The following ABCB11 variants were observed in gnomAD, a reference collection of about 807,000 sequenced individuals.
ABCB11 encodes bile salt export pump.
Under a neutral mutation model 148.0 loss-of-function variants are expected in ABCB11, and 95 were observed. The ratio of observed to expected loss-of-function variants is 0.64; its 90% CI spans 0.54 to 0.76. The LOEUF (loss-of-function observed/expected upper bound fraction) is 0.76. Ranked by LOEUF, ABCB11 falls within the 30% of genes least tolerant of loss-of-function variation. The pLI is 0.00. For missense variants in ABCB11, 1,523 were observed against 1,617.8 expected (o/e 0.94, Z 1.01); for synonymous variants, 591 against 555.4 (o/e 1.06, Z -0.90).
At chr2:168,952,721 G>T in intron 19 of ABCB11, among the ~76,000 whole-genome samples, 1 of 137,388 alleles carries the variant, frequency 7.3e-6, no homozygotes, top group African/African-American at 2.7e-5. Flanking sequence ...GTTCTGCTCT[G>T]GTCTTTGTTA....
chr2:168,976,429 C>A, intron 12 of ABCB11, 148 bp downstream of exon 12: 1 of 501,468 alleles, frequency 2.0e-6, no homozygotes, highest in Non-Finnish European at 3.6e-6. Context: ...GATAAGCCAA[C>A]ACCCGAGGAT....
In ABCB11 at chr2:168,936,321, A is replaced by G. The variant is rs1218245894; in HGVS notation, c.2723T>C (p.Phe908Ser). ...WKLSLVILCF[F>S]PFLALSGATQ... is the part of the protein sequence containing the mutation. ...GGCTCCTGATAAAGCCAAGAAGGGG[A>G]AGAAGCACAAGATGACCAGGCTCAG... The change falls in exon 22 of 28, where the codon TTC (phenylalanine) becomes TCC (serine). Residue 908 changes from phenylalanine (F) to serine (S), a missense_variant. Phe to Ser is a radical substitution (Grantham distance 155, BLOSUM62 -2). Coordinates refer to ENST00000650372, the MANE Select transcript of ABCB11 (RefSeq NM_003742.4). 3 of 1,613,946 alleles carry G rather than the reference A, an allele frequency of 1.9e-6. No homozygotes were observed. In the South Asian group the frequency reaches 3.3e-5, roughly 18 times the overall value.
chr2:168,923,537 A>AGG lies in ABCB11; in HGVS notation c.*84_*85insCC. ...TCTTTAAAGAAAAAACAATCCCAGC[A>AGG]ATCCCTCCTGCTGGGATTGTTTTTT... On this transcript the variant is annotated 3_prime_UTR_variant, in exon 28 of 28. Transcript: ENST00000650372. 1.6e-6 allele frequency: 2 copies of AGG among 1,233,580 alleles called. No homozygotes were observed. Among genetic ancestry groups the AGG allele is most frequent in the Non-Finnish European group, 2.3e-6 (2 of 859,810 alleles). 76.4% of individuals were successfully genotyped at this position (1,233,580 alleles called of 1,614,324 possible).
rs372563917 is a variant in ABCB11 at position 168,936,457 on chromosome 2, C to T, written c.2611-24G>A. 14 of 1,610,870 alleles carry T rather than the reference C, an allele frequency of 8.7e-6. No individual in the cohort carries two copies. The African/African-American group carries it at 1.1e-4, about 12-fold the overall frequency. On this transcript the variant is annotated intron_variant, in intron 21 of 27. Coordinates refer to ENST00000650372, the MANE Select transcript of ABCB11 (RefSeq NM_003742.4). ...GCCTGCAAACCAAAAAGCAATCAAC[C>T]CGTCTCAGACACACAGTCGCTTTTA...
At chr2:168,972,178 T>C (rs1693612960) in intron 13 of ABCB11, 128 bp from the exon 14 acceptor site, 2 of 771,930 alleles carry the variant, frequency 2.6e-6, no homozygotes, top group African/African-American at 1.8e-5. Context: ...AAACAATTCC[T>C]CTTGAAATGT....
chr2:168,932,635 G>A, intron 23 of ABCB11, 102 bp from the exon 24 acceptor site: 2 of 1,386,738 alleles, frequency 1.4e-6, no homozygotes, highest in East Asian at 4.9e-5. Flanking sequence ...TGCCAGGAAA[G>A]GACCAAATAT....
intron 9 of ABCB11, 134 bp downstream of exon 9, chr2:168,990,667 G>T: frequency 9.2e-7 from 1 of 1,083,996 alleles, no homozygotes; most frequent in East Asian, 2.4e-5. Flanking sequence ...ACTCTGCTTA[G>T]CTCCCTCTTG....
chr2:169,025,663 C>T (rs1467888540), intron 1 of ABCB11, among the ~76,000 whole-genome samples: 3 of 152,142 alleles, frequency 2.0e-5, no homozygotes, highest in Non-Finnish European at 2.9e-5. Context: ...TGCTTCTTTC[C>T]GAATACCCCT....
chr2:168,923,707 AC>A lies in ABCB11; in HGVS notation c.3880del (p.Val1294Ter). On this transcript the variant is annotated frameshift_variant, in exon 28 of 28. Coordinates refer to ENST00000650372, the MANE Select transcript of ABCB11 (RefSeq NM_003742.4). LOFTEE classifies it high-confidence loss of function. ...DIIAVMAQGV[V>X]IEKGTHEELM... ...TTCTTCATGGGTCCCCTTTTCAATC[AC>A]CACCCCCTGTGCCATGACAGCAATG... The A allele has an allele frequency of 6.2e-7, 1 of 1,613,554 alleles. No individual in the cohort carries two copies. Among genetic ancestry groups the A allele is most frequent in the South Asian group, 1.1e-5 (1 of 91,040 alleles).
At chr2:168,916,949 C>T (rs550845448), downstream of ABCB11, among the ~76,000 whole-genome samples, 28 of 152,086 alleles carry the variant, frequency 1.8e-4, no homozygotes, top group Non-Finnish European at 2.9e-4. Context: ...TATTTTCTTA[C>T]GATAAGAAAC....
At chr2:168,935,898 G>C (rs575155165) in intron 22 of ABCB11, among the ~76,000 whole-genome samples, 1 of 152,318 alleles carries the variant, frequency 6.6e-6, no homozygotes, top group African/African-American at 2.4e-5. Flanking sequence ...AATTGCAAAA[G>C]CTTCACGGCC....
chr2:168,917,989 TGTTGG>T (rs1553542771), downstream of ABCB11, among the ~76,000 whole-genome samples: 1 of 152,190 alleles, frequency 6.6e-6, no homozygotes, highest in Non-Finnish European at 1.5e-5. Flanking sequence ...ATTTTGGATA[TGTTGG>T]GTTGAATAAA....
At position 168,935,208 on chromosome 2, in the gene ABCB11, C is replaced by G; in HGVS notation, c.3032G>C (p.Gly1011Ala). 3 of 1,613,980 alleles carry G rather than the reference C, an allele frequency of 1.9e-6. No individual in the cohort carries two copies. The highest frequency in any genetic ancestry group is 2.5e-6 in the Non-Finnish European group (3 of 1,179,878). Residue 1011 changes from glycine (G) to alanine (A), a missense_variant, in exon 23 of 28, where the codon GGG (glycine) becomes GCG (alanine). Physicochemically the swap from Gly to Ala is moderately conservative, Grantham distance 60 (BLOSUM62 0). Transcript: ENST00000650372. ...CCTGAACACATAGCTGAAATGGAGC[C>G]CCTCATTGGAGATTAAGTAACCTCC... ...RYGGYLISNEGLHFSYVFRVI... is the reference protein window; with the variant it reads ...RYGGYLISNEALHFSYVFRVI...
intron 19 of ABCB11, among the ~76,000 whole-genome samples, chr2:168,950,326 T>C (rs185750204): frequency 6.6e-6 from 1 of 151,720 alleles, no homozygotes; most frequent in East Asian, 2.0e-4. Flanking sequence ...GATGAAATGG[T>C]AGTTCCATAT....
At chr2:168,943,628 C>A (rs577276943) in intron 21 of ABCB11, among the ~76,000 whole-genome samples, 93 of 152,136 alleles carry the variant, frequency 6.1e-4, no homozygotes, top group Admixed American at 1.6e-3. Context: ...AACACATGTG[C>A]TTCCAGAAAA....
intron 3 of ABCB11, among the ~76,000 whole-genome samples, chr2:169,014,573 T>G (rs1695296910): frequency 6.6e-6 from 1 of 152,142 alleles, no homozygotes; most frequent in African/African-American, 2.4e-5. Context: ...TCACTAGCGA[T>G]TCACAGAGAT....
chr2:168,962,677 G>T (rs923024664), intron 18 of ABCB11, among the ~76,000 whole-genome samples: 1 of 151,690 alleles, frequency 6.6e-6, no homozygotes, highest in African/African-American at 2.4e-5. Flanking sequence ...CAATAGAAAT[G>T]TCAATGTAGT....
intron 23 of ABCB11, among the ~76,000 whole-genome samples, chr2:168,933,835 C>A (rs1444049870): frequency 6.6e-6 from 1 of 152,176 alleles, no homozygotes; most frequent in African/African-American, 2.4e-5. Flanking sequence ...GCCTCTGCCT[C>A]CTGGGTTCAA....
downstream of ABCB11, among the ~76,000 whole-genome samples, chr2:168,916,467 T>G (rs1187417728): frequency 6.6e-6 from 1 of 152,246 alleles, no homozygotes; most frequent in Non-Finnish European, 1.5e-5. Context: ...GTACCCTGAT[T>G]ACTCATTATG....
Sources: gnomAD v4.1 joint callset for allele counts (sites outside exome capture counted in the v4.1 genomes callset) on GRCh38, gnomAD v4.1.1 for gene constraint, MANE v1.5 for transcripts, NCBI Gene and HGNC (gene_info 2026-07-23, HGNC 2026-07-21) for gene names.